Variants in MRTFB observed in about 807,000 individuals in gnomAD.
MRTFB encodes myocardin-related transcription factor B.
MRTFB carries 29 observed loss-of-function variants against 104.2 expected under a neutral mutation model. The ratio of observed to expected loss-of-function variants is 0.28; its 90% CI spans 0.21 to 0.38. The LOEUF is 0.38. Ranked by LOEUF, MRTFB falls within the 10% of genes least tolerant of loss-of-function variation. The pLI is 1.00. For missense variants in MRTFB, 1,270 were observed against 1,341.6 expected, an observed-to-expected ratio of 0.95 and a Z score of 0.83; for synonymous variants, 535 against 519.5, an observed-to-expected ratio of 1.03 and a Z score of -0.41.
intron 3 of MRTFB, among the ~76,000 whole-genome samples, chr16:14,171,858 G>A (rs551621763): frequency 2.6e-5 from 4 of 152,282 alleles, no homozygotes; most frequent in African/African-American, 9.6e-5. Context: ...CTGGAGTTCA[G>A]TATTTGTTCA....
chr16:14,066,335 G>A (rs1374376188), upstream of MRTFB, among the ~76,000 whole-genome samples: 1 of 146,898 alleles, frequency 6.8e-6, no homozygotes, highest in Non-Finnish European at 1.5e-5. Context: ...GTGCAGTCAC[G>A]CGATCTCGGC....
chr16:14,188,067 C>G (rs1223977062), intron 3 of MRTFB, among the ~76,000 whole-genome samples: 3 of 152,134 alleles, frequency 2.0e-5, no homozygotes, highest in African/African-American at 4.8e-5. Flanking sequence ...GTTAGACTTG[C>G]TGGAGTTGAA....
the MRTFB span, among the ~76,000 whole-genome samples, chr16:14,029,877 C>CAT: frequency 2.0e-5 from 3 of 152,098 alleles, no homozygotes; most frequent in African/African-American, 7.2e-5. Flanking sequence ...TACCTGCAGC[C>CAT]TCCGCAGGCT....
chr16:14,246,913 C>G lies in MRTFB; in HGVS notation c.1653C>G (p.Asp551Glu). Reference sequence around the variant, plus strand: ...CTTTGAGAATGACAAATAATGAAGACAGTCTGAGTCCCACCAGCAGCACTC... The same window carrying G: ...CTTTGAGAATGACAAATAATGAAGAGAGTCTGAGTCCCACCAGCAGCACTC... ...SSPLRMTNNE[D>E]SLSPTSSTLS... Residue 551 changes from aspartate (D) to glutamate (E), a missense_variant, in exon 12 of 17, where the codon GAC becomes GAG. By Grantham distance (45) the Asp-to-Glu change is conservative. Around this residue, in one of 3 missense-constraint regions of MRTFB, gnomAD observed 1,144 missense variants for 1,131.5 expected, o/e 1.01. Coordinates refer to ENST00000571589, the MANE Select transcript of MRTFB (RefSeq NM_001308142.2). The G allele has an allele frequency of 6.2e-7, 1 of 1,613,852 alleles. No individual in the cohort carries two copies. Among genetic ancestry groups the G allele is most frequent in the Non-Finnish European group, 8.5e-7 (1 of 1,180,020 alleles).
At chr16:14,180,477 T>G (rs1452772017) in intron 3 of MRTFB, among the ~76,000 whole-genome samples, 1 of 152,232 alleles carries the variant, frequency 6.6e-6, no homozygotes, top group Admixed American at 6.5e-5. Flanking sequence ...CTTGAATGAC[T>G]TTTTCTAAGT....
At chr16:14,171,645 T>C (rs2039426767) in intron 3 of MRTFB, among the ~76,000 whole-genome samples, 2 of 152,188 alleles carry the variant, frequency 1.3e-5, no homozygotes. Flanking sequence ...TATTTGTAAC[T>C]CCACTCTCTG....
intron 9 of MRTFB, among the ~76,000 whole-genome samples, chr16:14,235,832 A>G (rs964267981): frequency 6.6e-6 from 1 of 152,166 alleles, no homozygotes; most frequent in Non-Finnish European, 1.5e-5. Flanking sequence ...CCGCATTTTG[A>G]GTGTAAATTA....
At chr16:14,129,338 A>C (rs2037323092) in intron 2 of MRTFB, among the ~76,000 whole-genome samples, 1 of 152,232 alleles carries the variant, frequency 6.6e-6, no homozygotes, top group Non-Finnish European at 1.5e-5. Context: ...TTAGAGTTGT[A>C]CAGTCATCAC....
intron 1 of MRTFB, among the ~76,000 whole-genome samples, chr16:14,077,875 C>T (rs945168062): frequency 1.3e-5 from 2 of 152,112 alleles, no homozygotes; most frequent in African/African-American, 2.4e-5. Context: ...GAAAAAGTTA[C>T]AAGACATTAG....
chr16:14,200,026 TAA>T (rs1181435336), intron 3 of MRTFB: 2 of 387,776 alleles, frequency 5.2e-6, no homozygotes, highest in Non-Finnish European at 9.2e-6. Context: ...AGGGGAAAAA[TAA>T]AAAGGTACTA....
At chr16:14,071,571 G>T (rs1037053368) in intron 1 of MRTFB, among the ~76,000 whole-genome samples, 2 of 151,874 alleles carry the variant, frequency 1.3e-5, no homozygotes, top group Non-Finnish European at 2.9e-5. Flanking sequence ...GCGGGCCGGT[G>T]CCTCCTTCAA....
chr16:14,052,252 T>C, the MRTFB span, among the ~76,000 whole-genome samples: 7 of 152,098 alleles, frequency 4.6e-5, no homozygotes, highest in Admixed American at 4.6e-4. Context: ...TAGACAAGGA[T>C]TGAGGATTCT....
the MRTFB span, among the ~76,000 whole-genome samples, chr16:14,035,360 G>C: frequency 6.6e-6 from 1 of 152,162 alleles, no homozygotes; most frequent in Admixed American, 6.5e-5. Flanking sequence ...CTGATCTGCA[G>C]GCAGCACAGC....
At chr16:14,008,223 T>C in the MRTFB span, among the ~76,000 whole-genome samples, 2 of 152,188 alleles carry the variant, frequency 1.3e-5, no homozygotes, top group African/African-American at 4.8e-5. Flanking sequence ...GTCCAATTTT[T>C]CTATTTTTTC....
intron 2 of MRTFB, among the ~76,000 whole-genome samples, chr16:14,111,919 G>C (rs1454069586): frequency 6.6e-6 from 1 of 152,224 alleles, no homozygotes; most frequent in Non-Finnish European, 1.5e-5. Context: ...GTGCTCAGCT[G>C]TCCCTCCATA....
the MRTFB span, among the ~76,000 whole-genome samples, chr16:14,026,774 G>A: frequency 1.3e-5 from 2 of 152,160 alleles, no homozygotes; most frequent in Non-Finnish European, 2.9e-5. Context: ...GAGGATATAT[G>A]GTTGGCATAC....
At chr16:14,240,830 AGAG>A (rs776522613) in intron 10 of MRTFB, 1 of 681,934 alleles carries the variant, frequency 1.5e-6, no homozygotes, top group African/African-American at 1.8e-5. Flanking sequence ...AGCTAAAAGA[AGAG>A]AAGGATGGGC....
chr16:14,099,471 G>A (rs1418785931), intron 2 of MRTFB, among the ~76,000 whole-genome samples: 1 of 150,404 alleles, frequency 6.6e-6, no homozygotes, highest in Non-Finnish European at 1.5e-5. Context: ...CGCCTCCTTG[G>A]CTCAAGTGGT....
intron 2 of MRTFB, among the ~76,000 whole-genome samples, chr16:14,128,820 G>T (rs1423388283): frequency 1.3e-5 from 2 of 152,100 alleles, no homozygotes; most frequent in African/African-American, 4.8e-5. Flanking sequence ...TTTGTAATTT[G>T]TGTGTCATCA....
Sources: gnomAD v4.1 joint callset for allele counts (sites outside exome capture counted in the v4.1 genomes callset) on GRCh38, gnomAD v4.1.1 for gene constraint, gnomAD v4.1.1 regional missense constraint, MANE v1.5 for transcripts, NCBI Gene and HGNC (gene_info 2026-07-23, HGNC 2026-07-21) for gene names.